PRDM5: variants seen among roughly 807,000 people sequenced by gnomAD.
PRDM5 encodes the protein PR/SET domain 5, also known as PR domain zinc finger protein 5.
Under a neutral mutation model 81.2 loss-of-function variants are expected in PRDM5, and 56 were observed. The ratio of observed to expected loss-of-function variants is 0.69; its 90% CI spans 0.56 to 0.86. PRDM5 has a LOEUF of 0.86. Ranked by LOEUF, PRDM5 falls within the 40% of genes least tolerant of loss-of-function variation. The pLI is 0.00. For synonymous variants in PRDM5, 267 were observed against 256.4 expected, an observed-to-expected ratio of 1.04 and a Z score of -0.39; for missense variants, 697 against 770.1, an observed-to-expected ratio of 0.91 and a Z score of 1.12.
At position 120,868,106 on chromosome 4, in the gene PRDM5, T is replaced by C. The variant is rs186426786; in HGVS notation, c.178-14566A>G. Among the ~76,000 whole-genome samples the C allele has an allele frequency of 6.6e-5, 10 of 152,354 alleles. No individual in the cohort carries two copies. The East Asian group carries it at 1.9e-3, about 29-fold the overall frequency. On this transcript the variant is annotated intron_variant, in intron 2 of 15. Coordinates refer to ENST00000264808, the MANE Select transcript of PRDM5 (RefSeq NM_018699.4). Reference sequence around the variant, plus strand: ...CTTTATTCACATATTGTAACCCTATTATACTTTCCTTTAATGGGTCTCTCC... The same window carrying C: ...CTTTATTCACATATTGTAACCCTATCATACTTTCCTTTAATGGGTCTCTCC...
intron 14 of PRDM5, among the ~76,000 whole-genome samples, chr4:120,747,460 T>A (rs960197846): frequency 6.6e-5 from 10 of 151,972 alleles, no homozygotes; most frequent in East Asian, 3.9e-4. Context: ...AATTAAAAAA[T>A]AAATAAATAA....
intron 14 of PRDM5, among the ~76,000 whole-genome samples, chr4:120,744,753 G>C (rs1345209505): frequency 1.3e-5 from 2 of 151,048 alleles, no homozygotes; most frequent in South Asian, 2.1e-4. Context: ...TCTCTGAATA[G>C]ACCAATAACA....
intron 14 of PRDM5, among the ~76,000 whole-genome samples, chr4:120,734,196 C>G (rs1166722207): frequency 6.6e-6 from 1 of 151,670 alleles, no homozygotes; most frequent in Admixed American, 6.6e-5. Flanking sequence ...GCCACCTGGG[C>G]TCCATTCTGC....
intron 14 of PRDM5, among the ~76,000 whole-genome samples, chr4:120,749,899 C>CT (rs1475243004): frequency 1.3e-5 from 2 of 152,104 alleles, no homozygotes; most frequent in East Asian, 3.9e-4. Context: ...ATGCCCCAAA[C>CT]CTTCTACTCT....
At chr4:120,810,758 C>T (rs1753724400) in intron 8 of PRDM5, among the ~76,000 whole-genome samples, 1 of 152,112 alleles carries the variant, frequency 6.6e-6, no homozygotes, top group Admixed American at 6.6e-5. Flanking sequence ...ACCCTGATTC[C>T]TGGTCTGGTG....
chr4:120,776,766 T>C (rs72921537), intron 13 of PRDM5, among the ~76,000 whole-genome samples: 3,101 of 152,204 alleles, frequency 0.02, 99 homozygotes, highest in African/African-American at 0.071. Context: ...CATCACCCAC[T>C]CTGGTATCCA....
At chr4:120,894,559 A>C (rs1764410231) in intron 2 of PRDM5, among the ~76,000 whole-genome samples, 1 of 152,240 alleles carries the variant, frequency 6.6e-6, no homozygotes, top group Non-Finnish European at 1.5e-5. Context: ...AACACTACTT[A>C]TAAATGAAAT....
chr4:120,776,078 C>A (rs901641024), intron 13 of PRDM5, among the ~76,000 whole-genome samples: 2 of 152,150 alleles, frequency 1.3e-5, no homozygotes, highest in Admixed American at 6.6e-5. Flanking sequence ...TCTGCTTCTG[C>A]AACACTTGAT....
At chr4:120,832,516 G>A (rs1490871738) in intron 3 of PRDM5, among the ~76,000 whole-genome samples, 8 of 152,048 alleles carry the variant, frequency 5.3e-5, no homozygotes, top group Non-Finnish European at 8.8e-5. Flanking sequence ...ATGAGAATTA[G>A]CTAAACACAA....
At chr4:120,776,616 G>A (rs137946881) in intron 13 of PRDM5, among the ~76,000 whole-genome samples, 2 of 152,252 alleles carry the variant, frequency 1.3e-5, no homozygotes, top group East Asian at 3.9e-4. Flanking sequence ...ATCCAGACAA[G>A]GTTTTTGAAG....
chr4:120,712,567 A>G (rs1186919425), intron 14 of PRDM5, among the ~76,000 whole-genome samples: 1 of 152,146 alleles, frequency 6.6e-6, no homozygotes, highest in Admixed American at 6.6e-5. Context: ...AGATATGTTA[A>G]GTACCATTCC....
intron 3 of PRDM5, among the ~76,000 whole-genome samples, chr4:120,834,321 G>A (rs1260114797): frequency 6.6e-6 from 1 of 152,146 alleles, no homozygotes; most frequent in Non-Finnish European, 1.5e-5. Context: ...TAGGTCATGA[G>A]GATGGATCCC....
At chr4:120,712,179 G>A (rs1004076769) in intron 14 of PRDM5, among the ~76,000 whole-genome samples, 2 of 152,028 alleles carry the variant, frequency 1.3e-5, no homozygotes, top group Non-Finnish European at 2.9e-5. Context: ...CCAGCTACTC[G>A]GGAGGCTGAG....
At chr4:120,880,730 T>C (rs538806688) in intron 2 of PRDM5, among the ~76,000 whole-genome samples, 1 of 152,230 alleles carries the variant, frequency 6.6e-6, no homozygotes, top group South Asian at 2.1e-4. Flanking sequence ...CTTAAAATAT[T>C]CCAATATGTA....
chr4:120,872,972 T>C (rs531803412), intron 2 of PRDM5, among the ~76,000 whole-genome samples: 1 of 151,894 alleles, frequency 6.6e-6, no homozygotes, highest in Admixed American at 6.6e-5. Context: ...GTTAAGATGG[T>C]AAATTTTATG....
At chr4:120,730,796 G>A (rs1431071743) in intron 14 of PRDM5, among the ~76,000 whole-genome samples, 2 of 152,116 alleles carry the variant, frequency 1.3e-5, no homozygotes, top group African/African-American at 4.8e-5. Context: ...AATATTTATA[G>A]AGGTTTATTT....
At position 120,922,381 on chromosome 4, in the gene PRDM5, G is replaced by A. The variant is rs926465918; in HGVS notation, c.93+135C>T. ...GCCCCGCGGTCCCCGGCCTTCCCAC[G>A]GACGCCTGGCCCGGCCCGGGCGAGG... On this transcript the variant is annotated intron_variant, in intron 1 of 15. Coordinates refer to ENST00000264808, the MANE Select transcript of PRDM5 (RefSeq NM_018699.4). 80 of 1,116,796 alleles carry A rather than the reference G, an allele frequency of 7.2e-5. 1 individual carries two copies. Among genetic ancestry groups the A allele is most frequent in the Middle Eastern group, 7.7e-4 (2 of 2,604 alleles). The allele number at this position is 1,116,796 out of a possible 1,614,324, so 69.2% of individuals were successfully genotyped here.
exon 2 of PRDM5, chr4:120,684,981 T>A (rs1733780537): frequency 6.6e-6 from 1 of 151,992 alleles, no homozygotes; most frequent in African/African-American, 2.4e-5. Flanking sequence ...CAAATTTCGG[T>A]TTCTTAATCT....
At chr4:120,791,827 T>TGTG in intron 10 of PRDM5, among the ~76,000 whole-genome samples, 1 of 152,336 alleles carries the variant, frequency 6.6e-6, no homozygotes, top group East Asian at 1.9e-4. Flanking sequence ...GTGGACGCTT[T>TGTG]GTGAACTGGA....
Sources: allele counts gnomAD v4.1 joint callset (sites outside exome capture counted in the v4.1 genomes callset), GRCh38; gene constraint gnomAD v4.1.1; transcripts MANE v1.5; gene names NCBI Gene and HGNC (gene_info 2026-07-23, HGNC 2026-07-21).